Variants in SLC35F3 observed in about 807,000 individuals in gnomAD.
SLC35F3 encodes the protein putative thiamine transporter SLC35F3.
SLC35F3 carries 25 observed loss-of-function variants against 49.9 expected under a neutral mutation model. That is an observed-to-expected ratio of 0.50 (90% CI 0.37 to 0.70). The LOEUF is 0.70. Ranked by LOEUF, SLC35F3 falls within the 30% of genes least tolerant of loss-of-function variation. SLC35F3 has a pLI of 0.00. For synonymous variants in SLC35F3, 275 were observed against 265.4 expected, an observed-to-expected ratio of 1.04 and a Z score of -0.35; for missense variants, 525 against 639.8, an observed-to-expected ratio of 0.82 and a Z score of 1.94.
chr1:233,918,285 C>T (rs1662003037), intron 2 of SLC35F3, among the ~76,000 whole-genome samples: 2 of 152,196 alleles, frequency 1.3e-5, no homozygotes. Flanking sequence ...GTAGCTTAGG[C>T]TGCCAGAATC....
chr1:234,179,357 A>G (rs1666523770), intron 2 of SLC35F3, among the ~76,000 whole-genome samples: 1 of 152,216 alleles, frequency 6.6e-6, no homozygotes, highest in Non-Finnish European at 1.5e-5. Context: ...TTGGGAGAGC[A>G]GGTTTAGCTC....
At chr1:233,930,268 G>A (rs1053030378) in intron 2 of SLC35F3, among the ~76,000 whole-genome samples, 2 of 152,074 alleles carry the variant, frequency 1.3e-5, no homozygotes, top group African/African-American at 4.8e-5. Flanking sequence ...CCGCAGCCCC[G>A]GATGTAGAGT....
chr1:233,999,435 A>G (rs1663514329), intron 2 of SLC35F3, among the ~76,000 whole-genome samples: 1 of 152,044 alleles, frequency 6.6e-6, no homozygotes, highest in Non-Finnish European at 1.5e-5. Context: ...ATATCTTCCA[A>G]GGGCTCCTTA....
intron 3 of SLC35F3, among the ~76,000 whole-genome samples, chr1:234,242,883 A>G (rs758212824): frequency 4.6e-5 from 7 of 152,218 alleles, no homozygotes; most frequent in Non-Finnish European, 8.8e-5. Flanking sequence ...ACATCATTAG[A>G]AACACTAGAT....
intron 7 of SLC35F3, 94 bp from the exon 8 acceptor site, chr1:234,322,914 C>A: frequency 9.8e-7 from 1 of 1,016,636 alleles, no homozygotes; most frequent in Non-Finnish European, 1.5e-6. Flanking sequence ...ACAACACTGC[C>A]AGACAGAGGA....
At chr1:234,169,469 T>G (rs1050638500) in intron 2 of SLC35F3, among the ~76,000 whole-genome samples, 3 of 152,194 alleles carry the variant, frequency 2.0e-5, no homozygotes, top group African/African-American at 7.2e-5. Context: ...TCTAACATTC[T>G]GGGATTGTGT....
intron 2 of SLC35F3, among the ~76,000 whole-genome samples, chr1:233,975,246 G>T (rs1663062097): frequency 6.6e-6 from 1 of 152,208 alleles, no homozygotes; most frequent in South Asian, 2.1e-4. Context: ...GGTTTCTGTG[G>T]ATAAAATAAG....
intron 2 of SLC35F3, among the ~76,000 whole-genome samples, chr1:234,229,749 C>T (rs935842678): frequency 7.9e-5 from 12 of 152,200 alleles, no homozygotes; most frequent in African/African-American, 2.7e-4. Flanking sequence ...CAAATTATCC[C>T]GATAATGAAC....
chr1:234,134,885 ATAATT>A (rs1665787101), intron 2 of SLC35F3, among the ~76,000 whole-genome samples: 1 of 151,748 alleles, frequency 6.6e-6, no homozygotes, highest in African/African-American at 2.4e-5. Context: ...CCACGCCCGG[ATAATT>A]TTTGTATTTT....
rs112547976 is a variant in SLC35F3 at position 233,930,063 on chromosome 1, C to G, written c.283+24305C>G. Among the ~76,000 whole-genome samples, 1,229 of 151,632 alleles carry G rather than the reference C, an allele frequency of 8.1e-3. 12 individuals carry two copies. The highest frequency in any genetic ancestry group is 0.028 in the African/African-American group (1,148 of 41,346). On this transcript the variant is annotated intron_variant, in intron 2 of 7. Coordinates refer to ENST00000366618, the MANE Select transcript of SLC35F3 (RefSeq NM_173508.4). ...ACTCAGGAGACTGAGGTGGGAAGAT[C>G]TCTTGAGTTTATGAGTTTGAAGCCA...
chr1:234,173,556 G>A lies in SLC35F3; in HGVS notation c.284-57861G>A, dbSNP rs146262013. ...GAACTAATAACCTCTGGGGTCACAG[G>A]TTGGAGAACAGAGGTAGGGGGTGGA... On this transcript the variant is annotated intron_variant, in intron 2 of 7. Transcript: ENST00000366618. Among the ~76,000 whole-genome samples, 889 of 152,322 alleles carry A rather than the reference G, an allele frequency of 5.8e-3. 4 individuals carry two copies. The highest frequency in any genetic ancestry group is 9.1e-3 in the Non-Finnish European group (618 of 68,036).
intron 3 of SLC35F3, among the ~76,000 whole-genome samples, chr1:234,262,288 G>A (rs1006056025): frequency 2.6e-5 from 4 of 152,248 alleles, no homozygotes; most frequent in Admixed American, 2.0e-4. Context: ...CTTGCTTGCT[G>A]TGCATTTAGG....
At chr1:234,227,543 T>C (rs1357190880) in intron 2 of SLC35F3, among the ~76,000 whole-genome samples, 1 of 151,968 alleles carries the variant, frequency 6.6e-6, no homozygotes, top group Non-Finnish European at 1.5e-5. Context: ...GGACTACAGG[T>C]GCCCACCACC....
At chr1:234,112,651 G>T (rs1326744250) in intron 2 of SLC35F3, among the ~76,000 whole-genome samples, 2 of 139,942 alleles carry the variant, frequency 1.4e-5, no homozygotes, top group African/African-American at 5.2e-5. Flanking sequence ...CGCCTCCTGG[G>T]TTCACCCCAT....
Position 234,160,177 on chromosome 1 carries a change from A to G in SLC35F3, c.284-71240A>G, listed in dbSNP as rs1393096775. ...AACTCAATATCCTCACTAAGCATACATGATTATCTTTGAGGACAGAAATAT... is the reference window on the plus strand; with the variant it reads ...AACTCAATATCCTCACTAAGCATACGTGATTATCTTTGAGGACAGAAATAT... On this transcript the variant is annotated intron_variant, in intron 2 of 7. Coordinates refer to ENST00000366618, the MANE Select transcript of SLC35F3 (RefSeq NM_173508.4). Among the ~76,000 whole-genome samples the G allele has an allele frequency of 4.6e-5, 7 of 152,240 alleles. No individual in the cohort carries two copies. The East Asian group carries it at 7.7e-4, about 17-fold the overall frequency.
In SLC35F3 at chr1:234,018,835, C is replaced by G. The variant is rs556178425; in HGVS notation, c.283+113077C>G. Among the ~76,000 whole-genome samples, 6 of 152,312 alleles carry G rather than the reference C, an allele frequency of 3.9e-5. No homozygotes were observed. The South Asian group carries it at 1.2e-3, about 32-fold the overall frequency. Reference sequence around the variant, plus strand: ...TCATTTGGGAAGTTCTCTAATTTTCCTATACATTTGTTTAAGCATCTATTT... The same window carrying G: ...TCATTTGGGAAGTTCTCTAATTTTCGTATACATTTGTTTAAGCATCTATTT... On this transcript the variant is annotated intron_variant, in intron 2 of 7. Coordinates refer to ENST00000366618, the MANE Select transcript of SLC35F3 (RefSeq NM_173508.4).
At chr1:234,012,249 T>C (rs1663733705) in intron 2 of SLC35F3, among the ~76,000 whole-genome samples, 1 of 152,242 alleles carries the variant, frequency 6.6e-6, no homozygotes. Context: ...TTTTCTCCTA[T>C]CTCAGAATTG....
chr1:234,117,979 A>G (rs1227286589), intron 2 of SLC35F3, among the ~76,000 whole-genome samples: 1 of 143,234 alleles, frequency 7.0e-6, no homozygotes, highest in Non-Finnish European at 1.5e-5. Flanking sequence ...TATATATAAA[A>G]CCACAAGAAA....
chr1:234,030,973 A>G (rs1018180398), intron 2 of SLC35F3, among the ~76,000 whole-genome samples: 1 of 152,164 alleles, frequency 6.6e-6, no homozygotes, highest in Non-Finnish European at 1.5e-5. Flanking sequence ...ACATGGAGGG[A>G]AATGGATTAA....
Sources: allele counts gnomAD v4.1 joint callset (sites outside exome capture counted in the v4.1 genomes callset), GRCh38; gene constraint gnomAD v4.1.1; transcripts MANE v1.5; gene names NCBI Gene and HGNC (gene_info 2026-07-23, HGNC 2026-07-21).